Variants in NEK11 observed in about 807,000 individuals in gnomAD.
NEK11 encodes the protein serine/threonine-protein kinase Nek11.
A neutral mutation model predicts 80.7 loss-of-function variants in NEK11; 72 were observed. The ratio of observed to expected loss-of-function variants is 0.89; its 90% CI spans 0.74 to 1.08. The LOEUF is 1.08. Ranked by LOEUF, NEK11 falls within the 50% of genes least tolerant of loss-of-function variation. The pLI, the probability that NEK11 is intolerant of heterozygous loss-of-function variation, is 0.00. For missense variants in NEK11, 764 were observed against 763.6 expected, an observed-to-expected ratio of 1.00 and a Z score of -0.01; for synonymous variants, 251 against 260.7, an observed-to-expected ratio of 0.96 and a Z score of 0.36.
intron 17 of NEK11, among the ~76,000 whole-genome samples, chr3:131,339,314 A>G (rs111821313): frequency 6.6e-6 from 1 of 152,178 alleles, no homozygotes; most frequent in Non-Finnish European, 1.5e-5. Flanking sequence ...GCTCTCACTT[A>G]TAATTGAACA....
rs182220186 is a variant in NEK11 at position 131,082,893 on chromosome 3, A to G, written c.336+2305A>G. ...GATGCTCCTTTGTCCTAAATATAAT[A>G]CAGCTGTGAGTATTTTCTAAGACCA... On this transcript the variant is annotated intron_variant, in intron 4 of 17. Transcript: ENST00000383366. 5.6e-3 allele frequency among the ~76,000 whole-genome samples: 860 copies of G among 152,292 alleles called. 8 individuals carry two copies. Among genetic ancestry groups the G allele is most frequent in the Middle Eastern group, 0.014 (4 of 294 alleles).
chr3:131,281,714 G>T (rs762225919), intron 17 of NEK11, among the ~76,000 whole-genome samples: 1 of 152,200 alleles, frequency 6.6e-6, no homozygotes, highest in East Asian at 1.9e-4. Context: ...CACCAGCAAA[G>T]TATGAGAGTG....
At chr3:131,121,390 G>A (rs2082347794) in intron 5 of NEK11, among the ~76,000 whole-genome samples, 1 of 152,156 alleles carries the variant, frequency 6.6e-6, no homozygotes, top group South Asian at 2.1e-4. Context: ...GGTGTCTGTT[G>A]GCCCCTACTG....
At chr3:131,161,197 G>T (rs1174322260) in intron 10 of NEK11, among the ~76,000 whole-genome samples, 12 of 151,578 alleles carry the variant, frequency 7.9e-5, no homozygotes, top group Admixed American at 7.2e-4. Flanking sequence ...ATGCTTGTGA[G>T]GTTGCAGAGA....
At chr3:131,243,868 A>C (rs1409289394) in intron 16 of NEK11, among the ~76,000 whole-genome samples, 1 of 152,052 alleles carries the variant, frequency 6.6e-6, no homozygotes, top group Non-Finnish European at 1.5e-5. Flanking sequence ...GAGGACCATC[A>C]CTCCGAAGGT....
intron 7 of NEK11, among the ~76,000 whole-genome samples, chr3:131,147,294 A>G (rs1048106880): frequency 5.3e-5 from 8 of 152,002 alleles, no homozygotes; most frequent in South Asian, 4.1e-4. Context: ...TGAATATTCA[A>G]TTGGCCCAGC....
At chr3:131,260,424 A>G (rs1205942226) in intron 16 of NEK11, among the ~76,000 whole-genome samples, 1 of 152,094 alleles carries the variant, frequency 6.6e-6, no homozygotes, top group African/African-American at 2.4e-5. Context: ...ATCATGATGA[A>G]TCTCTATCAT....
At chr3:131,241,578 C>T (rs978379498) in intron 15 of NEK11, among the ~76,000 whole-genome samples, 2 of 152,094 alleles carry the variant, frequency 1.3e-5, no homozygotes, top group African/African-American at 4.8e-5. Flanking sequence ...CCTGAGAATG[C>T]AGTGACTGAA....
chr3:131,346,153 G>A (rs1281474702), intron 17 of NEK11, among the ~76,000 whole-genome samples: 1 of 152,002 alleles, frequency 6.6e-6, no homozygotes, highest in East Asian at 1.9e-4. Context: ...AAATTATATT[G>A]TATTGGGAAT....
chr3:131,308,166 G>A (rs552681715), intron 17 of NEK11, among the ~76,000 whole-genome samples: 1 of 152,138 alleles, frequency 6.6e-6, no homozygotes, highest in African/African-American at 2.4e-5. Flanking sequence ...ATCAAGGAGT[G>A]TTAAAGCACA....
At chr3:131,299,518 C>G (rs954464294) in intron 17 of NEK11, among the ~76,000 whole-genome samples, 4 of 152,150 alleles carry the variant, frequency 2.6e-5, no homozygotes, top group Non-Finnish European at 5.9e-5. Flanking sequence ...TTGATCCTTA[C>G]CCTCCTCCCA....
intron 16 of NEK11, among the ~76,000 whole-genome samples, chr3:131,271,000 A>G (rs1223472299): frequency 1.3e-5 from 2 of 152,232 alleles, no homozygotes; most frequent in Non-Finnish European, 2.9e-5. Flanking sequence ...AAAGCAACCA[A>G]CAGGAATATG....
At chr3:131,134,954 G>T (rs1312707264) in intron 7 of NEK11, among the ~76,000 whole-genome samples, 2 of 152,126 alleles carry the variant, frequency 1.3e-5, no homozygotes, top group East Asian at 3.9e-4. Context: ...GAACAATCTA[G>T]CTGAGGGCTT....
intron 5 of NEK11, among the ~76,000 whole-genome samples, chr3:131,130,843 C>T (rs535422050): frequency 2.0e-5 from 3 of 152,220 alleles, no homozygotes. Flanking sequence ...GCTCTGTCAC[C>T]CAGGCTGGAG....
chr3:131,142,382 T>TAGGTC (rs1289545234), intron 7 of NEK11, among the ~76,000 whole-genome samples: 1 of 152,154 alleles, frequency 6.6e-6, no homozygotes, highest in Non-Finnish European at 1.5e-5. Context: ...GGGAGATAGG[T>TAGGTC]AGGTCTTCTA....
chr3:131,100,667 A>T (rs1405724772), intron 4 of NEK11, among the ~76,000 whole-genome samples: 1 of 152,190 alleles, frequency 6.6e-6, no homozygotes, highest in Non-Finnish European at 1.5e-5. Context: ...GGATTTTTGC[A>T]TCAATGTTCA....
At chr3:131,072,688 A>C (rs894542182) in intron 3 of NEK11, among the ~76,000 whole-genome samples, 8 of 152,152 alleles carry the variant, frequency 5.3e-5, no homozygotes, top group African/African-American at 1.9e-4. Flanking sequence ...ACTTTTAGAG[A>C]AGTAAATAGA....
chr3:131,048,759 G>A (rs1259287542), intron 3 of NEK11, among the ~76,000 whole-genome samples: 1 of 152,198 alleles, frequency 6.6e-6, no homozygotes, highest in African/African-American at 2.4e-5. Context: ...GTCTTCACAC[G>A]CTGCTCTGTC....
At chr3:131,072,129 T>A (rs2073459551) in intron 3 of NEK11, 1 of 152,060 alleles carries the variant, frequency 6.6e-6, no homozygotes, top group East Asian at 1.9e-4. Flanking sequence ...AATAAGAAAC[T>A]CTTGTCCTCC....
Sources: gnomAD v4.1 joint callset for allele counts (sites outside exome capture counted in the v4.1 genomes callset) on GRCh38, gnomAD v4.1.1 for gene constraint, MANE v1.5 for transcripts, NCBI Gene and HGNC (gene_info 2026-07-23, HGNC 2026-07-21) for gene names.